Variants in CDH15 observed in about 807,000 individuals in gnomAD.
CDH15 encodes cadherin 15, also known as cadherin-15.
In CDH15, 73 loss-of-function variants were observed where a neutral mutation model predicts 69.4. The ratio of observed to expected loss-of-function variants is 1.05; its 90% CI spans 0.87 to 1.28. The LOEUF is 1.28. Ranked by LOEUF, CDH15 falls within the 50% of genes most tolerant of loss-of-function variation. The pLI, the probability that CDH15 is intolerant of heterozygous loss-of-function variation, is 0.00. For missense variants in CDH15, 1,343 were observed against 1,133.6 expected, an observed-to-expected ratio of 1.18 and a Z score of -2.65; for synonymous variants, 624 against 507.7, an observed-to-expected ratio of 1.23 and a Z score of -3.08.
intron 3 of CDH15, among the ~76,000 whole-genome samples, chr16:89,181,963 A>G (rs1365180368): frequency 1.4e-4 from 21 of 151,346 alleles, no homozygotes; most frequent in Non-Finnish European, 2.9e-5. Flanking sequence ...AGAAGAAAGA[A>G]GAAGAGGAGG....
intron 10 of CDH15, 112 bp from the exon 11 acceptor site, chr16:89,192,093 G>A (rs1253006598): frequency 5.8e-6 from 8 of 1,369,212 alleles, no homozygotes; most frequent in Non-Finnish European, 7.8e-6. Context: ...GTGGGGGTGG[G>A]GGGGACCCAG....
At chr16:89,193,350 A>ACCCCCC in intron 11 of CDH15, 120 bp from the exon 12 acceptor site, 6 of 513,404 alleles carry the variant, frequency 1.2e-5, no homozygotes, top group Non-Finnish European at 1.6e-5. Flanking sequence ...CGCCCCCTCA[A>ACCCCCC]CCCCACCCCT....
In CDH15 at chr16:89,195,132, A is replaced by G; in HGVS notation, c.2422A>G (p.Arg808Gly). The G allele has an allele frequency of 6.2e-7, 1 of 1,600,672 alleles. No individual in the cohort carries two copies. The highest frequency in any genetic ancestry group is 8.5e-7 in the Non-Finnish European group (1 of 1,173,080). ...EGLSPGALLP[R>G]HRGRTA ...TCTTTCTCCTGGGGCACTGCTACCC[A>G]GACACAGAGGCCGGACAGCCTGACC... is the stretch of plus-strand genomic sequence containing the variant. Residue 808 changes from arginine (R) to glycine (G), a missense_variant, in exon 14 of 14, where the codon AGA (arginine) becomes GGA (glycine). Physicochemically the swap from Arg to Gly is moderately radical, Grantham distance 125 (BLOSUM62 -2). Coordinates refer to ENST00000289746, the MANE Select transcript of CDH15 (RefSeq NM_004933.3).
intron 12 of CDH15, 72 bp downstream of exon 12, chr16:89,193,678 G>A (rs1915712899): frequency 1.3e-6 from 2 of 1,569,048 alleles, no homozygotes; most frequent in East Asian, 4.7e-5. Context: ...CAACAAGCTG[G>A]CCAGGAGCCT....
chr16:89,177,993 G>A (rs1915295076), intron 1 of CDH15, among the ~76,000 whole-genome samples: 1 of 152,224 alleles, frequency 6.6e-6, no homozygotes, highest in Non-Finnish European at 1.5e-5. Context: ...ACCCCAGGAG[G>A]GAGGCCCAAG....
intron 3 of CDH15, among the ~76,000 whole-genome samples, chr16:89,180,996 G>A (rs1479818024): frequency 3.8e-5 from 3 of 78,192 alleles, no homozygotes; most frequent in Non-Finnish European, 5.1e-5. Flanking sequence ...TTGAGATGGA[G>A]CTTCACTCTA....
At chr16:89,193,655 G>A (rs1232926675) in intron 12 of CDH15, 49 bp downstream of exon 12, 11 of 1,566,938 alleles carry the variant, frequency 7.0e-6, no homozygotes, top group East Asian at 2.4e-5. Context: ...AACCCAGGTC[G>A]CGGGCCTTCT....
intron 4 of CDH15, 122 bp downstream of exon 4, chr16:89,183,814 C>T (rs1915427909): frequency 3.8e-6 from 4 of 1,056,934 alleles, no homozygotes; most frequent in Non-Finnish European, 5.4e-6. Context: ...GTAAACAAGT[C>T]TCCGAGGCAG....
chr16:89,195,121 C>A lies in CDH15; in HGVS notation c.2411C>A (p.Ala804Glu), dbSNP rs774452537. Residue 804 changes from alanine (A) to glutamate (E), a missense_variant, in exon 14 of 14, where the codon GCA becomes GAA. Transcript: ENST00000289746. Reference protein sequence around the residue: ...HQAREGLSPGALLPRHRGRTA With the variant: ...HQAREGLSPGELLPRHRGRTA The stretch of plus-strand genomic sequence containing the variant: ...GCCAGGGAGGGTCTTTCTCCTGGGG[C>A]ACTGCTACCCAGACACAGAGGCCGG... 9 of 1,603,826 alleles carry A rather than the reference C, an allele frequency of 5.6e-6. No homozygotes were observed. The highest frequency in any genetic ancestry group is 6.8e-6 in the Non-Finnish European group (8 of 1,174,596).
Position 89,185,369 on chromosome 16 carries a change from GC to G in CDH15, c.663+38del, listed in dbSNP as rs1412627694. 126 of 1,560,784 alleles carry G rather than the reference GC, an allele frequency of 8.1e-5. No homozygotes were observed. The East Asian group carries it at 3.0e-3, about 37-fold the overall frequency. On this transcript the variant is annotated intron_variant, in intron 5 of 13. Transcript: ENST00000289746. ...GCCCCGGCAGCTCCACACCCGCACGGCCAGGGCAGCCCATCTCCTGCGGGTC... is the reference window on the plus strand; with the variant it reads ...GCCCCGGCAGCTCCACACCCGCACGGCAGGGCAGCCCATCTCCTGCGGGTC...
At chr16:89,185,449 G>C (rs1327376658) in intron 5 of CDH15, 116 bp downstream of exon 5, 3 of 1,170,468 alleles carry the variant, frequency 2.6e-6, no homozygotes, top group Non-Finnish European at 3.7e-6. Flanking sequence ...CGTCACTGCA[G>C]AGCTTGCAGT....
At position 89,195,481 on chromosome 16, in the gene CDH15, C is replaced by T; in HGVS notation, c.*326C>T. The T allele has an allele frequency of 2.6e-6, 1 of 387,704 alleles. No individual in the cohort carries two copies. Among genetic ancestry groups the T allele is most frequent in the Non-Finnish European group, 4.7e-6 (1 of 213,534 alleles). The allele number at this position is 387,704 out of a possible 1,614,324, so 24.0% of individuals were successfully genotyped here. A position where few individuals can be genotyped will look rare whatever the true frequency, so the allele number is the denominator to read the frequency against. The stretch of plus-strand genomic sequence containing the variant: ...AAATCTGAATGAAAAACGTGCTAGT[C>T]TCTTTCATGCAGGACGGGCGCCCAC... On this transcript the variant is annotated 3_prime_UTR_variant, in exon 14 of 14. Coordinates refer to ENST00000289746, the MANE Select transcript of CDH15 (RefSeq NM_004933.3).
At position 89,192,415 on chromosome 16, in the gene CDH15, T is replaced by A; in HGVS notation, c.1826T>A (p.Ile609Asn). Reference protein sequence around the residue: ...GTGLSLGALVIVLASALLLLV... With the variant: ...GTGLSLGALVNVLASALLLLV... The stretch of plus-strand genomic sequence containing the variant: ...GGCCTCAGCCTGGGCGCACTGGTCA[T>A]CGTGCTGGCCAGCGCCCTCCTGCTG... Residue 609 changes from isoleucine to asparagine, a missense_variant, in exon 11 of 14, where the codon ATC becomes AAC. Ile to Asn is a moderately radical substitution (Grantham distance 149, BLOSUM62 -3). Transcript: ENST00000289746. 6.5e-7 allele frequency: 1 copy of A among 1,547,634 alleles called. No individual in the cohort carries two copies. The highest frequency in any genetic ancestry group is 8.7e-7 in the Non-Finnish European group (1 of 1,153,706).
chr16:89,175,975 C>T (rs1321078050), intron 1 of CDH15, among the ~76,000 whole-genome samples: 1 of 152,248 alleles, frequency 6.6e-6, no homozygotes, highest in East Asian at 1.9e-4. Context: ...GTGTGCTGGG[C>T]CAGCCCTGGG....
intron 1 of CDH15, among the ~76,000 whole-genome samples, chr16:89,177,518 G>A (rs753625126): frequency 3.9e-5 from 6 of 152,054 alleles, no homozygotes; most frequent in Non-Finnish European, 5.9e-5. Context: ...GGAGCCTGGC[G>A]ACCCCCAGGA....
At chr16:89,178,794 A>G (rs1915312421) in intron 1 of CDH15, among the ~76,000 whole-genome samples, 1 of 152,176 alleles carries the variant, frequency 6.6e-6, no homozygotes. Flanking sequence ...TTCAGTTCCC[A>G]CAAAGCAGCC....
chr16:89,176,971 C>T (rs573137574), intron 1 of CDH15, among the ~76,000 whole-genome samples: 1 of 152,172 alleles, frequency 6.6e-6, no homozygotes, highest in East Asian at 1.9e-4. Context: ...GGTAGGGGGT[C>T]TCTGTCCCCT....
intron 7 of CDH15, 73 bp from the exon 8 acceptor site, chr16:89,190,170 T>TC: frequency 6.4e-7 from 1 of 1,566,934 alleles, no homozygotes. Context: ...AAGGAGTGGC[T>TC]CCCCCATGGC....
At chr16:89,191,059 G>A (rs1185303572) in intron 8 of CDH15, among the ~76,000 whole-genome samples, 1 of 142,318 alleles carries the variant, frequency 7.0e-6, no homozygotes, top group East Asian at 2.3e-4. Flanking sequence ...GTGTGTGGGG[G>A]GTGGTATGTG....
Sources: gnomAD v4.1 joint callset for allele counts (sites outside exome capture counted in the v4.1 genomes callset) on GRCh38, gnomAD v4.1.1 for gene constraint, MANE v1.5 for transcripts, NCBI Gene and HGNC (gene_info 2026-07-23, HGNC 2026-07-21) for gene names.